SPAG16: variants seen among roughly 807,000 people sequenced by gnomAD.
The protein encoded by SPAG16 is sperm-associated antigen 16 protein.
A neutral mutation model predicts 80.4 loss-of-function variants in SPAG16; 86 were observed. The ratio of observed to expected loss-of-function variants is 1.07; its 90% CI spans 0.90 to 1.28. SPAG16 has a LOEUF of 1.28. Among genes scored for constraint, SPAG16 ranks in the 50% most tolerant of loss-of-function variants. The pLI, the probability that SPAG16 is intolerant of heterozygous loss-of-function variation, is 0.00. For missense variants in SPAG16, 870 were observed against 765.3 expected (o/e 1.14, Z -1.61); for synonymous variants, 294 against 265.9 (o/e 1.11, Z -1.03).
chr2:213,512,120 T>C (rs999685691), intron 10 of SPAG16, among the ~76,000 whole-genome samples: 1 of 152,140 alleles, frequency 6.6e-6, no homozygotes, highest in Admixed American at 6.5e-5. Flanking sequence ...CAGTATGTTA[T>C]TGCAATGGTG....
intron 11 of SPAG16, among the ~76,000 whole-genome samples, chr2:213,896,593 C>CTATATTT (rs1553657365): frequency 8.4e-6 from 1 of 119,754 alleles, no homozygotes. Context: ...CACACACACG[C>CTATATTT]ACACACACAC....
At chr2:214,209,357 T>C (rs2058228751) in intron 15 of SPAG16, among the ~76,000 whole-genome samples, 1 of 152,172 alleles carries the variant, frequency 6.6e-6, no homozygotes, top group South Asian at 2.1e-4. Flanking sequence ...CTCACACCCC[T>C]AGCATCACTG....
intron 10 of SPAG16, among the ~76,000 whole-genome samples, chr2:213,520,645 T>C (rs1469027259): frequency 1.3e-5 from 2 of 152,194 alleles, no homozygotes; most frequent in Non-Finnish European, 2.9e-5. Flanking sequence ...CTTGTATTAC[T>C]CTGTTACAAC....
intron 14 of SPAG16, among the ~76,000 whole-genome samples, chr2:214,126,656 T>C (rs746474994): frequency 6.6e-6 from 1 of 151,790 alleles, no homozygotes; most frequent in Non-Finnish European, 1.5e-5. Flanking sequence ...TAATCAATAA[T>C]AATTAGCTAC....
intron 10 of SPAG16, among the ~76,000 whole-genome samples, chr2:213,675,237 C>T (rs12328999): frequency 0.39 from 59,578 of 151,686 alleles, 12,319 homozygotes; most frequent in African/African-American, 0.51. Flanking sequence ...GGCTTGTTTG[C>T]TTTTTCCTTG....
At chr2:214,265,888 C>A (rs1025159899) in intron 15 of SPAG16, among the ~76,000 whole-genome samples, 2 of 151,928 alleles carry the variant, frequency 1.3e-5, no homozygotes, top group African/African-American at 4.8e-5. Context: ...CCCAACCAAT[C>A]ACTGTTTGAT....
At chr2:214,032,517 A>C (rs1168445226) in intron 13 of SPAG16, among the ~76,000 whole-genome samples, 1 of 152,186 alleles carries the variant, frequency 6.6e-6, no homozygotes, top group Admixed American at 6.5e-5. Flanking sequence ...TGCCTGTATG[A>C]ATAACAAAGG....
At chr2:213,647,885 A>G (rs986689211) in intron 10 of SPAG16, among the ~76,000 whole-genome samples, 5 of 152,146 alleles carry the variant, frequency 3.3e-5, no homozygotes, top group African/African-American at 9.7e-5. Flanking sequence ...GCCTCCTTCA[A>G]TTCATTGGCT....
rs186488763 is a variant in SPAG16, at chr2:213,608,819, G to A, written c.1070+118729G>A. 8.5e-4 allele frequency among the ~76,000 whole-genome samples: 130 copies of A among 152,208 alleles called. 1 individual carries two copies. The highest frequency in any genetic ancestry group is 3.0e-3 in the African/African-American group (125 of 41,540). On this transcript the variant is annotated intron_variant, in intron 10 of 15. Transcript: ENST00000331683. ...TCCTGCCTCAGCCTCCCGAGTAGCT[G>A]GGGACTACAGGCTCCCACCACACCC... is the stretch of plus-strand genomic sequence containing the variant.
At chr2:213,758,939 A>C (rs1482199814) in intron 10 of SPAG16, among the ~76,000 whole-genome samples, 1 of 152,250 alleles carries the variant, frequency 6.6e-6, no homozygotes, top group Non-Finnish European at 1.5e-5. Context: ...ATTACTTATA[A>C]GGAATAATCA....
At chr2:213,910,176 T>C (rs1054139666) in intron 11 of SPAG16, among the ~76,000 whole-genome samples, 1 of 152,230 alleles carries the variant, frequency 6.6e-6, no homozygotes, top group Non-Finnish European at 1.5e-5. Flanking sequence ...ATAGCCTTTT[T>C]ATGAATTCAA....
chr2:214,241,749 A>G (rs1474548674), intron 15 of SPAG16, among the ~76,000 whole-genome samples: 1 of 152,204 alleles, frequency 6.6e-6, no homozygotes, highest in Non-Finnish European at 1.5e-5. Flanking sequence ...GTTTACTTAA[A>G]CTGCAATAGC....
chr2:214,237,924 G>A (rs1334685831), intron 15 of SPAG16, among the ~76,000 whole-genome samples: 1 of 152,038 alleles, frequency 6.6e-6, no homozygotes, highest in Non-Finnish European at 1.5e-5. Flanking sequence ...TTCATGTATA[G>A]AAACCATGCT....
chr2:213,757,204 A>G (rs1041322177), intron 10 of SPAG16, among the ~76,000 whole-genome samples: 3 of 152,216 alleles, frequency 2.0e-5, no homozygotes, highest in African/African-American at 7.2e-5. Context: ...AAACATTTCT[A>G]AAGAAAATAA....
intron 15 of SPAG16, among the ~76,000 whole-genome samples, chr2:214,159,951 G>A (rs1421109673): frequency 1.3e-5 from 2 of 151,916 alleles, no homozygotes; most frequent in African/African-American, 4.8e-5. Context: ...TAATTCGGTT[G>A]ACAAATATTT....
At position 213,431,408 on chromosome 2, in the gene SPAG16, A is replaced by T. The variant is rs533284617; in HGVS notation, c.942+56289A>T. On this transcript the variant is annotated intron_variant, in intron 9 of 15. Transcript: ENST00000331683. ...AACTACATGCTGCTTACTGGTAAAA[A>T]AAAAAGATATTCCATGCAAACAGAG... Among the ~76,000 whole-genome samples the T allele has an allele frequency of 3.9e-5, 6 of 152,196 alleles. No individual in the cohort carries two copies. The South Asian group carries it at 1.0e-3, about 26-fold the overall frequency.
At chr2:213,609,707 TTA>T (rs2061381484) in intron 10 of SPAG16, among the ~76,000 whole-genome samples, 1 of 152,204 alleles carries the variant, frequency 6.6e-6, no homozygotes, top group Non-Finnish European at 1.5e-5. Context: ...AACTGCCACT[TTA>T]TATGTCTCTC....
intron 15 of SPAG16, among the ~76,000 whole-genome samples, chr2:214,218,266 G>C (rs960206637): frequency 1.3e-5 from 2 of 152,128 alleles, no homozygotes; most frequent in African/African-American, 2.4e-5. Flanking sequence ...AAAAGGGACG[G>C]CCTCGAGGTC....
intron 15 of SPAG16, among the ~76,000 whole-genome samples, chr2:214,359,488 A>G (rs550820362): frequency 4.6e-5 from 7 of 152,070 alleles, no homozygotes; most frequent in Admixed American, 3.9e-4. Context: ...AGAATATTTT[A>G]TCAAACTGAA....
Sources: gnomAD v4.1 joint callset for allele counts (sites outside exome capture counted in the v4.1 genomes callset) on GRCh38, gnomAD v4.1.1 for gene constraint, MANE v1.5 for transcripts, NCBI Gene and HGNC (gene_info 2026-07-23, HGNC 2026-07-21) for gene names.